NKAIN2: variants seen among roughly 807,000 people sequenced by gnomAD.
NKAIN2 encodes sodium/potassium-transporting ATPase subunit beta-1-interacting protein 2.
A neutral mutation model predicts 32.6 loss-of-function variants in NKAIN2; 14 were observed. The ratio of observed to expected loss-of-function variants is 0.43; its 90% CI spans 0.28 to 0.67. The LOEUF (loss-of-function observed/expected upper bound fraction) is 0.67. Among genes scored for constraint, NKAIN2 ranks in the 30% least tolerant of loss-of-function variants. The probability of loss-of-function intolerance (pLI) is 0.17; values close to 1 mark genes in which losing one functional copy is unlikely to be tolerated. For missense variants in NKAIN2, 198 were observed against 258.3 expected (o/e 0.77, Z 1.60); for synonymous variants, 80 against 87.2 (o/e 0.92, Z 0.46).
chr6:124,435,207 G>A (rs538989431), intron 3 of NKAIN2, among the ~76,000 whole-genome samples: 4 of 152,036 alleles, frequency 2.6e-5, no homozygotes, highest in South Asian at 2.1e-4. Flanking sequence ...GAGAAGGTGC[G>A]TTCCCAGACA....
chr6:124,448,163 C>G (rs1775969851), intron 3 of NKAIN2, among the ~76,000 whole-genome samples: 1 of 152,028 alleles, frequency 6.6e-6, no homozygotes, highest in African/African-American at 2.4e-5. Flanking sequence ...TAAAATGAAG[C>G]ATTGGAATAA....
chr6:123,972,273 AG>A (rs1461237097), intron 1 of NKAIN2, among the ~76,000 whole-genome samples: 1 of 152,202 alleles, frequency 6.6e-6, no homozygotes, highest in African/African-American at 2.4e-5. Context: ...TTACTGTGTG[AG>A]GGGTTGGCAC....
chr6:123,873,784 C>T (rs902450445), intron 1 of NKAIN2, among the ~76,000 whole-genome samples: 7 of 152,260 alleles, frequency 4.6e-5, no homozygotes, highest in Middle Eastern at 3.4e-3. Flanking sequence ...TCTGATCTTT[C>T]GTTATGCCTA....
rs1033868821 is a variant in NKAIN2, at chr6:123,985,918, T to C, written c.54+181664T>C. Among the ~76,000 whole-genome samples, 10 of 152,080 alleles carry C rather than the reference T, an allele frequency of 6.6e-5. 1 individual carries two copies. The highest frequency in any genetic ancestry group is 2.2e-4 in the African/African-American group (9 of 41,414). On this transcript the variant is annotated intron_variant, in intron 1 of 6. Coordinates refer to ENST00000368417, the MANE Select transcript of NKAIN2 (RefSeq NM_001040214.3). ...AAAAAGCCTAGAAGCAGGAAAGAGATGTAATGTATTCAAGAACTGAAAAAG... is the reference window on the plus strand; with the variant it reads ...AAAAAGCCTAGAAGCAGGAAAGAGACGTAATGTATTCAAGAACTGAAAAAG...
At chr6:123,935,746 C>T (rs549676523) in intron 1 of NKAIN2, among the ~76,000 whole-genome samples, 20 of 152,022 alleles carry the variant, frequency 1.3e-4, no homozygotes, top group Admixed American at 1.2e-3. Flanking sequence ...AATACAGGAT[C>T]GTCATCTAAT....
chr6:123,841,347 CAGTGTT>C (rs1403325810), intron 1 of NKAIN2, among the ~76,000 whole-genome samples: 1 of 152,116 alleles, frequency 6.6e-6, no homozygotes, highest in Admixed American at 6.5e-5. Flanking sequence ...CATCTATAAT[CAGTGTT>C]ACAATCGTGA....
intron 1 of NKAIN2, among the ~76,000 whole-genome samples, chr6:124,096,984 C>T (rs1784671833): frequency 6.6e-6 from 1 of 151,918 alleles, no homozygotes; most frequent in African/African-American, 2.4e-5. Flanking sequence ...GATTTAAGAA[C>T]GTAGATGAAG....
chr6:124,678,073 T>C (rs1333167796), intron 4 of NKAIN2, among the ~76,000 whole-genome samples: 1 of 152,128 alleles, frequency 6.6e-6, no homozygotes, highest in Non-Finnish European at 1.5e-5. Flanking sequence ...TTTTTAGAAA[T>C]CCACTTACAG....
chr6:123,979,385 T>G (rs1487906031), intron 1 of NKAIN2, among the ~76,000 whole-genome samples: 1 of 152,122 alleles, frequency 6.6e-6, no homozygotes, highest in Non-Finnish European at 1.5e-5. Flanking sequence ...ACAAACATTG[T>G]GTATTTCTGG....
intron 1 of NKAIN2, among the ~76,000 whole-genome samples, chr6:123,840,225 C>A (rs1011440622): frequency 8.6e-5 from 13 of 152,034 alleles, no homozygotes. Flanking sequence ...AGTACTTAGG[C>A]AAATTCTGTA....
At chr6:124,705,728 C>A (rs1775025705) in intron 4 of NKAIN2, among the ~76,000 whole-genome samples, 4 of 152,066 alleles carry the variant, frequency 2.6e-5, no homozygotes, top group Admixed American at 1.3e-4. Flanking sequence ...ACAGTAAAAT[C>A]ATAAGACATA....
chr6:124,215,323 A>T (rs905007380), intron 1 of NKAIN2, among the ~76,000 whole-genome samples: 1 of 152,166 alleles, frequency 6.6e-6, no homozygotes, highest in Non-Finnish European at 1.5e-5. Context: ...CATCTCACTT[A>T]CAAGATTTTT....
rs114556567 is a variant in NKAIN2, at chr6:123,862,676, A to G, written c.54+58422A>G. Among the ~76,000 whole-genome samples, 1,276 of 152,184 alleles carry G rather than the reference A, an allele frequency of 8.4e-3. 12 individuals carry two copies. Among genetic ancestry groups the G allele is most frequent in the African/African-American group, 0.03 (1,229 of 41,520 alleles). On this transcript the variant is annotated intron_variant, in intron 1 of 6. Coordinates refer to ENST00000368417, the MANE Select transcript of NKAIN2 (RefSeq NM_001040214.3). The stretch of plus-strand genomic sequence containing the variant: ...TTTTCCTTATGCCTTACTTTTGCTC[A>G]TACTGTTCTTTCTGCCCACAATATC...
intron 1 of NKAIN2, among the ~76,000 whole-genome samples, chr6:124,069,393 C>T (rs1783334031): frequency 6.6e-6 from 1 of 152,040 alleles, no homozygotes; most frequent in South Asian, 2.1e-4. Flanking sequence ...TTAGTTAGGA[C>T]GTTCATCCAC....
At chr6:123,981,003 A>AGG (rs1469786111) in intron 1 of NKAIN2, among the ~76,000 whole-genome samples, 1 of 151,610 alleles carries the variant, frequency 6.6e-6, no homozygotes, top group Non-Finnish European at 1.5e-5. Flanking sequence ...CCGAGTAGGT[A>AGG]GGACTACAGG....
At chr6:124,094,629 T>G (rs1784575243) in intron 1 of NKAIN2, among the ~76,000 whole-genome samples, 2 of 152,148 alleles carry the variant, frequency 1.3e-5, no homozygotes, top group Non-Finnish European at 2.9e-5. Flanking sequence ...ACTCACATAG[T>G]TAAATGCCTT....
intron 1 of NKAIN2, among the ~76,000 whole-genome samples, chr6:124,096,616 T>C (rs2114938648): frequency 6.6e-6 from 1 of 152,292 alleles, no homozygotes; most frequent in East Asian, 1.9e-4. Context: ...GATACCTTTT[T>C]TCTTTACACT....
intron 4 of NKAIN2, among the ~76,000 whole-genome samples, chr6:124,749,071 C>T (rs1402238474): frequency 1.3e-5 from 2 of 151,834 alleles, no homozygotes; most frequent in Admixed American, 1.3e-4. Context: ...ATATTCAGGT[C>T]ATTGAAAGAA....
At position 124,751,414 on chromosome 6, in the gene NKAIN2, T is replaced by C. The variant is rs529906567; in HGVS notation, c.475-39925T>C. Among the ~76,000 whole-genome samples, 11 of 152,068 alleles carry C rather than the reference T, an allele frequency of 7.2e-5. 1 individual carries two copies. The East Asian group carries it at 1.9e-3, about 27-fold the overall frequency. On this transcript the variant is annotated intron_variant, in intron 4 of 6. Coordinates refer to ENST00000368417, the MANE Select transcript of NKAIN2 (RefSeq NM_001040214.3). ...AGCCTAGAGTCAAGAAGCCTGCCTG[T>C]CTTAAAGTTTAGTCAACCAGAGGGG...
Sources: gnomAD v4.1 joint callset for allele counts (sites outside exome capture counted in the v4.1 genomes callset) on GRCh38, gnomAD v4.1.1 for gene constraint, MANE v1.5 for transcripts, NCBI Gene and HGNC (gene_info 2026-07-23, HGNC 2026-07-21) for gene names.